Variants in MT4 observed in about 807,000 individuals in gnomAD.
The protein encoded by MT4 is metallothionein 4, also known as metallothionein-4.
MT4 carries 11 observed loss-of-function variants against 9.5 expected under a neutral mutation model. The observed-to-expected ratio is 1.16, with a 90% CI of 0.73 to 1.92. The LOEUF is 1.92. Ranked by LOEUF, MT4 falls within the 30% of genes most tolerant of loss-of-function variation. The probability of loss-of-function intolerance (pLI) is 0.00; values close to 1 mark genes in which losing one functional copy is unlikely to be tolerated. For missense variants in MT4, 88 were observed against 78.7 expected, an observed-to-expected ratio of 1.12 and a Z score of -0.45; for synonymous variants, 29 against 24.6, an observed-to-expected ratio of 1.18 and a Z score of -0.53.
At position 56,565,124 on chromosome 16, in the gene MT4, G is replaced by C; in HGVS notation, c.-5G>C. 1 of 1,613,198 alleles carries C rather than the reference G, an allele frequency of 6.2e-7. No homozygotes were observed. Among genetic ancestry groups the C allele is most frequent in the Middle Eastern group, 1.7e-4 (1 of 6,060 alleles). On this transcript the variant is annotated 5_prime_UTR_variant, in exon 1 of 3. Transcript: ENST00000219162. Reference sequence around the variant, plus strand: ...CAGCACTGGAGCCTTTCGGACACCTGGACCATGGACCCCAGGGAATGTGTC... The same window carrying C: ...CAGCACTGGAGCCTTTCGGACACCTCGACCATGGACCCCAGGGAATGTGTC...
chr16:56,568,271 G>GAGAGAGAGAGAA (rs1567330643), intron 2 of MT4, among the ~76,000 whole-genome samples: 11 of 58,648 alleles, frequency 1.9e-4, no homozygotes, highest in Non-Finnish European at 3.3e-4. Context: ...GAGAGAGAGA[G>GAGAGAGAGAGAA]AGAAAGAAAG....
At chr16:56,565,311 G>C in intron 1 of MT4, 152 bp downstream of exon 1, 2 of 666,768 alleles carry the variant, frequency 3.0e-6, no homozygotes, top group Non-Finnish European at 5.0e-6. Context: ...GGCCACCTCT[G>C]GGGCAGCTCC....
At position 56,567,821 on chromosome 16, in the gene MT4, G is replaced by A. The variant is rs368062780; in HGVS notation, c.97+5G>A. 13 of 1,611,064 alleles carry A rather than the reference G, an allele frequency of 8.1e-6. No homozygotes were observed. The highest frequency in any genetic ancestry group is 3.3e-5 in the Admixed American group (2 of 59,952). On this transcript the variant is annotated splice_donor_5th_base_variant and intron_variant, in intron 2 of 2. Coordinates refer to ENST00000219162, the MANE Select transcript of MT4 (RefSeq NM_032935.3). ...ACTGTAAAACATATTGGAAGAGTGA[G>A]TATGGTGACTGGGGGCACCATGGGC... is the stretch of plus-strand genomic sequence containing the variant.
intron 2 of MT4, among the ~76,000 whole-genome samples, chr16:56,568,326 A>AAAGAAAGAAAG (rs1567330720): frequency 6.7e-6 from 1 of 150,206 alleles, no homozygotes; most frequent in Non-Finnish European, 1.5e-5. Context: ...AGAAAGAAAG[A>AAAGAAAGAAAG]AAGAAAGAAA....
At chr16:56,568,257 A>AGAG (rs1567330602) in intron 2 of MT4, among the ~76,000 whole-genome samples, 5 of 83,186 alleles carry the variant, frequency 6.0e-5, no homozygotes, top group Admixed American at 2.5e-4. Flanking sequence ...GAAAGAAAGA[A>AGAG]AGAGAGAGAG....
chr16:56,567,283 C>T (rs2144259947), intron 1 of MT4, among the ~76,000 whole-genome samples: 1 of 152,074 alleles, frequency 6.6e-6, no homozygotes, highest in South Asian at 2.1e-4. Context: ...CTTGGCCTCC[C>T]AAAGTGCTGG....
chr16:56,566,731 A>T (rs1959527309), intron 1 of MT4, among the ~76,000 whole-genome samples: 2 of 23,068 alleles, frequency 8.7e-5, no homozygotes, highest in African/African-American at 2.1e-4. Context: ...AGAAAGAAAG[A>T]AAGAAAGAAA....
At chr16:56,565,359 G>A (rs1207067510) in intron 1 of MT4, among the ~76,000 whole-genome samples, 200 bp downstream of exon 1, 2 of 152,186 alleles carry the variant, frequency 1.3e-5, no homozygotes, top group African/African-American at 4.8e-5. Context: ...TTCTAGAATC[G>A]ATATCCTAGC....
chr16:56,565,541 T>C (rs563444856), intron 1 of MT4, among the ~76,000 whole-genome samples: 2 of 152,308 alleles, frequency 1.3e-5, no homozygotes, highest in East Asian at 3.9e-4. Context: ...CTCAGTTTCC[T>C]CACCTGTAGA....
chr16:56,568,111 C>G (rs1165244195), intron 2 of MT4, among the ~76,000 whole-genome samples: 2 of 149,802 alleles, frequency 1.3e-5, no homozygotes, highest in African/African-American at 4.9e-5. Flanking sequence ...AGAGATCACA[C>G]CATTGCACTC....
At chr16:56,568,579 G>A (rs1428211789) in intron 2 of MT4, among the ~76,000 whole-genome samples, 1 of 152,128 alleles carries the variant, frequency 6.6e-6, no homozygotes, top group East Asian at 1.9e-4. Flanking sequence ...TGAGCCCTAG[G>A]TTCTAGTCTT....
chr16:56,566,707 AAAGAAAGAAAG>A (rs1315931004), intron 1 of MT4, among the ~76,000 whole-genome samples: 1 of 49,368 alleles, frequency 2.0e-5, no homozygotes, highest in African/African-American at 1.1e-4. Flanking sequence ...AAAGAGAAAG[AAAGAAAGAAAG>A]AAAGAAAGAA....
chr16:56,568,337 G>GAAAC (rs1959581325), intron 2 of MT4, among the ~76,000 whole-genome samples: 1 of 151,030 alleles, frequency 6.6e-6, no homozygotes, highest in Non-Finnish European at 1.5e-5. Flanking sequence ...AAGAAAGAAA[G>GAAAC]ATCCCATCCC....
chr16:56,568,869 T>G lies in MT4; in HGVS notation c.126T>G (p.Cys42Trp). ...KSCCPCCPPG[C>W]AKCARGCICK... ...GCTGTCCCTGCTGCCCCCCGGGCTGTGCCAAATGTGCCCGGGGCTGCATCT... is the reference window on the plus strand; with the variant it reads ...GCTGTCCCTGCTGCCCCCCGGGCTGGGCCAAATGTGCCCGGGGCTGCATCT... The change falls in exon 3 of 3, where the codon TGT becomes TGG. Residue 42 changes from cysteine (C) to tryptophan (W), a missense_variant. Physicochemically the swap from Cys to Trp is radical, Grantham distance 215 (BLOSUM62 -2). Coordinates refer to ENST00000219162, the MANE Select transcript of MT4 (RefSeq NM_032935.3). 6.2e-7 allele frequency: 1 copy of G among 1,608,800 alleles called. No homozygotes were observed. Among genetic ancestry groups the G allele is most frequent in the Non-Finnish European group, 8.5e-7 (1 of 1,177,302 alleles).
intron 1 of MT4, 47 bp from the exon 2 acceptor site, chr16:56,567,704 C>T: frequency 6.4e-7 from 1 of 1,570,078 alleles, no homozygotes; most frequent in South Asian, 1.1e-5. Context: ...ATGTTCCCCA[C>T]TCCATCTCCA....
At chr16:56,566,808 AAGAAAGAAAG>A (rs1959537370) in intron 1 of MT4, among the ~76,000 whole-genome samples, 1 of 46,792 alleles carries the variant, frequency 2.1e-5, no homozygotes, top group East Asian at 5.5e-4. Context: ...GAAAGAAAGA[AAGAAAGAAAG>A]AAAAGAAAGA....
chr16:56,566,851 G>T (rs77356445), intron 1 of MT4, among the ~76,000 whole-genome samples: 6,772 of 144,980 alleles, frequency 0.047, 242 homozygotes, highest in Non-Finnish European at 0.07. Flanking sequence ...AAGAAAGAAA[G>T]AAAGAAATGA....
chr16:56,567,668 C>A, intron 1 of MT4, 83 bp from the exon 2 acceptor site: 1 of 1,324,244 alleles, frequency 7.6e-7, no homozygotes, highest in Non-Finnish European at 1.1e-6. Flanking sequence ...GGAGCCTTGC[C>A]ACTCTGACAG....
At chr16:56,568,265 G>GAA (rs1567330619) in intron 2 of MT4, among the ~76,000 whole-genome samples, 63 of 77,130 alleles carry the variant, frequency 8.2e-4, no homozygotes, top group East Asian at 2.4e-3. Flanking sequence ...GAAAGAGAGA[G>GAA]AGAGAGAGAA....
Sources: gnomAD v4.1 joint callset for allele counts (sites outside exome capture counted in the v4.1 genomes callset) on GRCh38, gnomAD v4.1.1 for gene constraint, MANE v1.5 for transcripts, NCBI Gene and HGNC (gene_info 2026-07-23, HGNC 2026-07-21) for gene names.